IREB2: variants seen among roughly 807,000 people sequenced by gnomAD.
The protein encoded by IREB2 is iron responsive element binding protein 2, also known as iron-responsive element-binding protein 2.
Under a neutral mutation model 118.8 loss-of-function variants are expected in IREB2, and 39 were observed. That is an observed-to-expected ratio of 0.33 (90% CI 0.25 to 0.43). IREB2 has a LOEUF of 0.43. Among genes scored for constraint, IREB2 ranks in the 20% least tolerant of loss-of-function variants. The pLI, the probability that IREB2 is intolerant of heterozygous loss-of-function variation, is 1.00. For missense variants in IREB2, 900 were observed against 1,147.3 expected, an observed-to-expected ratio of 0.78 and a Z score of 3.11; for synonymous variants, 372 against 392.2, an observed-to-expected ratio of 0.95 and a Z score of 0.61.
intron 9 of IREB2, 22 bp downstream of exon 9, chr15:78,476,381 A>G (rs761636288): frequency 6.8e-6 from 10 of 1,467,930 alleles, no homozygotes; most frequent in Non-Finnish European, 8.4e-6. Flanking sequence ...AAAGATCACT[A>G]GAATAAACAT....
At chr15:78,489,002 G>C (rs770494253) in intron 16 of IREB2, among the ~76,000 whole-genome samples, 1 of 152,074 alleles carries the variant, frequency 6.6e-6, no homozygotes, top group Admixed American at 6.6e-5. Context: ...GGTTGATCAC[G>C]TGAGGTCCGG....
chr15:78,466,159 T>A, intron 4 of IREB2, 112 bp from the exon 5 acceptor site: 1 of 627,738 alleles, frequency 1.6e-6, no homozygotes, highest in Non-Finnish European at 2.8e-6. Context: ...CATTAGCCTT[T>A]AAACATCATT....
At chr15:78,460,702 T>C (rs1203104709) in intron 2 of IREB2, among the ~76,000 whole-genome samples, 1 of 152,210 alleles carries the variant, frequency 6.6e-6, no homozygotes, top group Non-Finnish European at 1.5e-5. Flanking sequence ...GTTGTTATTC[T>C]AGGCATTTTC....
At chr15:78,450,824 T>TTGTGTGTGTGTG (rs35092289) in intron 2 of IREB2, among the ~76,000 whole-genome samples, 7 of 134,020 alleles carry the variant, frequency 5.2e-5, no homozygotes, top group Non-Finnish European at 7.9e-5. Context: ...ATTAACAAAT[T>TTGTGTGTGTGTG]TGTGTGTGTG....
At chr15:78,481,228 C>T (rs1211142897) in intron 10 of IREB2, among the ~76,000 whole-genome samples, 2 of 152,148 alleles carry the variant, frequency 1.3e-5, no homozygotes, top group Non-Finnish European at 2.9e-5. Flanking sequence ...CAGCCTTGAG[C>T]GATAGCAAGA....
chr15:78,494,864 G>A (rs1411828668), intron 20 of IREB2, among the ~76,000 whole-genome samples: 1 of 152,168 alleles, frequency 6.6e-6, no homozygotes, highest in Admixed American at 6.5e-5. Context: ...TGAGCCATGT[G>A]CCCGGCCCCC....
chr15:78,480,720 G>T (rs558964630), intron 10 of IREB2, among the ~76,000 whole-genome samples: 144 of 150,626 alleles, frequency 9.6e-4, no homozygotes, highest in Non-Finnish European at 1.6e-3. Flanking sequence ...CTGGCCGGGC[G>T]TGGTGGCTCA....
chr15:78,492,169 AGTT>A (rs1304337337), intron 18 of IREB2, among the ~76,000 whole-genome samples: 1 of 152,208 alleles, frequency 6.6e-6, no homozygotes, highest in Non-Finnish European at 1.5e-5. Context: ...GATAAAAGTC[AGTT>A]GTTGATTGTT....
chr15:78,479,085 C>T (rs992087748), intron 10 of IREB2, among the ~76,000 whole-genome samples: 2 of 151,942 alleles, frequency 1.3e-5, no homozygotes, highest in Admixed American at 6.6e-5. Flanking sequence ...CCATGCTTAA[C>T]CCCTGTTTTG....
intron 2 of IREB2, among the ~76,000 whole-genome samples, chr15:78,446,792 G>C (rs1318022280): frequency 6.6e-6 from 1 of 151,644 alleles, no homozygotes; most frequent in Non-Finnish European, 1.5e-5. Flanking sequence ...CTGTAGCCAA[G>C]GAGGCCACAG....
rs767768227 is a variant in IREB2, at chr15:78,476,203, G to A, written c.1039G>A (p.Gly347Arg). The A allele has an allele frequency of 9.4e-6, 15 of 1,592,788 alleles. No homozygotes were observed. The highest frequency in any genetic ancestry group is 5.4e-5 in the African/African-American group (4 of 74,686). Residue 347 changes from glycine (G) to arginine (R), a missense_variant, in exon 9 of 22, where the codon GGA becomes AGA. By Grantham distance (125) the Gly-to-Arg change is moderately radical. Coordinates refer to ENST00000258886, the MANE Select transcript of IREB2 (RefSeq NM_004136.4). Reference protein sequence around the residue: ...LGITKHLRQVGVAGKFVEFFG... With the variant: ...LGITKHLRQVRVAGKFVEFFG... ...CCTTATATAGCACCTCAGGCAAGTA[G>A]GAGTGGCTGGAAAGTTTGTTGAGTT... is the stretch of plus-strand genomic sequence containing the variant.
At chr15:78,448,399 C>T (rs1199999374) in intron 2 of IREB2, among the ~76,000 whole-genome samples, 1 of 152,180 alleles carries the variant, frequency 6.6e-6, no homozygotes, top group East Asian at 1.9e-4. Context: ...CCTGCCTCAG[C>T]TTCCCAAAGT....
At chr15:78,494,388 G>C (rs1428598569) in intron 20 of IREB2, 124 bp downstream of exon 20, 2 of 974,832 alleles carry the variant, frequency 2.1e-6, no homozygotes, top group Non-Finnish European at 3.1e-6. Flanking sequence ...TAGGTATAGA[G>C]GGTTTTGTTT....
chr15:78,454,245 C>T (rs2051070311), intron 2 of IREB2, among the ~76,000 whole-genome samples: 1 of 152,154 alleles, frequency 6.6e-6, no homozygotes, highest in Admixed American at 6.5e-5. Context: ...ATGATCTTAG[C>T]AGCATTATTC....
At position 78,498,256 on chromosome 15, in the gene IREB2, A is replaced by T. The variant is rs2051874573; in HGVS notation, c.*113A>T. The T allele has an allele frequency of 1.8e-6, 1 of 563,806 alleles. No individual in the cohort carries two copies. Among genetic ancestry groups the T allele is most frequent in the African/African-American group, 1.9e-5 (1 of 51,874 alleles). The allele number at this position is 563,806 out of a possible 1,614,324, so 34.9% of individuals were successfully genotyped here. Reference sequence around the variant, plus strand: ...TAGTCCCAGTATACTCACTTATCTCATCCATGGATGTAAATGATGATGAAT... The same window carrying T: ...TAGTCCCAGTATACTCACTTATCTCTTCCATGGATGTAAATGATGATGAAT... On this transcript the variant is annotated 3_prime_UTR_variant, in exon 22 of 22. Coordinates refer to ENST00000258886, the MANE Select transcript of IREB2 (RefSeq NM_004136.4).
rs1016054882 is a variant in IREB2 at position 78,438,222 on chromosome 15, G to A, written c.-116G>A. Reference sequence around the variant, plus strand: ...GCTCTCGCGATATTTGCGCGAGCCTGCTTCCTTCTTTCCTCCCTTGCCAGT... The same window carrying A: ...GCTCTCGCGATATTTGCGCGAGCCTACTTCCTTCTTTCCTCCCTTGCCAGT... On this transcript the variant is annotated 5_prime_UTR_variant, in exon 1 of 22. Transcript: ENST00000258886. 4.9e-6 allele frequency: 4 copies of A among 814,470 alleles called. No homozygotes were observed. Among genetic ancestry groups the A allele is most frequent in the African/African-American group, 3.4e-5 (2 of 59,072 alleles). The allele number at this position is 814,470 out of a possible 1,614,324, so 50.5% of individuals were successfully genotyped here. A position where few individuals can be genotyped will look rare whatever the true frequency, so the allele number is the denominator to read the frequency against.
chr15:78,471,606 A>G, intron 6 of IREB2, 135 bp from the exon 7 acceptor site: 1 of 482,200 alleles, frequency 2.1e-6, no homozygotes, highest in Non-Finnish European at 3.5e-6. Context: ...ATTTGTTTTT[A>G]ACTATGTGAT....
rs1373300430 is a variant in IREB2 at position 78,501,056 on chromosome 15, CT to C, written c.*2916del. The stretch of plus-strand genomic sequence containing the variant: ...TGAATAGAAGACACCTTTCTTTTGT[CT>C]TTAGGTTTAGGAGGAGATACTAAGA... On this transcript the variant is annotated 3_prime_UTR_variant, in exon 22 of 22. Transcript: ENST00000258886. 1 of 152,086 alleles carries C rather than the reference CT, an allele frequency of 6.6e-6. No individual in the cohort carries two copies. Among genetic ancestry groups the C allele is most frequent in the Non-Finnish European group, 1.5e-5 (1 of 68,024 alleles). The allele number at this position is 152,086 out of a possible 1,614,324, so 9.4% of individuals were successfully genotyped here.
Position 78,483,438 on chromosome 15 carries a change from G to A in IREB2, c.1413+4G>A, listed in dbSNP as rs536661253. The A allele has an allele frequency of 1.4e-6, 2 of 1,479,632 alleles. No homozygotes were observed. The highest frequency in any genetic ancestry group is 1.7e-4 in the Middle Eastern group (1 of 5,822). 91.7% of individuals were successfully genotyped at this position (1,479,632 alleles called of 1,614,324 possible). A position where few individuals can be genotyped will look rare whatever the true frequency, so the allele number is the denominator to read the frequency against. ...CCAGGCTTGCTTAAATGAAAAGGTAGGTTACTTTATTCTTATCCGTGTTTT... is the reference window on the plus strand; with the variant it reads ...CCAGGCTTGCTTAAATGAAAAGGTAAGTTACTTTATTCTTATCCGTGTTTT... On this transcript the variant is annotated splice_donor_region_variant and intron_variant, in intron 11 of 21. Transcript: ENST00000258886.
Sources: allele counts gnomAD v4.1 joint callset (sites outside exome capture counted in the v4.1 genomes callset), GRCh38; gene constraint gnomAD v4.1.1; transcripts MANE v1.5; gene names NCBI Gene and HGNC (gene_info 2026-07-23, HGNC 2026-07-21).